ST3GAL1: variants seen among roughly 807,000 people sequenced by gnomAD.
The protein encoded by ST3GAL1 is ST3 beta-galactoside alpha-2,3-sialyltransferase 1, also known as CMP-N-acetylneuraminate-beta-galactosamide-alpha-2,3-sialyltransferase 1.
A neutral mutation model predicts 34.1 loss-of-function variants in ST3GAL1; 16 were observed. The ratio of observed to expected loss-of-function variants is 0.47; its 90% CI spans 0.32 to 0.71. The LOEUF is 0.71. Among genes scored for constraint, ST3GAL1 ranks in the 30% least tolerant of loss-of-function variants. ST3GAL1 has a pLI of 0.04. For synonymous variants in ST3GAL1, 191 were observed against 184.7 expected (o/e 1.03, Z -0.28); for missense variants, 353 against 447.4 (o/e 0.79, Z 1.90).
chr8:133,514,916 C>T (rs1257028636), intron 2 of ST3GAL1, among the ~76,000 whole-genome samples: 1 of 152,102 alleles, frequency 6.6e-6, no homozygotes, highest in Non-Finnish European at 1.5e-5. Context: ...TGCCATGTGC[C>T]GTCCTCCGAT....
intron 2 of ST3GAL1, among the ~76,000 whole-genome samples, chr8:133,534,201 CTCT>C (rs1308442253): frequency 1.3e-5 from 2 of 152,170 alleles, no homozygotes; most frequent in Non-Finnish European, 1.5e-5. Context: ...TCCCTTCGTC[CTCT>C]TCTTCTGACA....
intron 3 of ST3GAL1, among the ~76,000 whole-genome samples, chr8:133,482,443 C>T (rs1377669685): frequency 3.9e-5 from 6 of 152,224 alleles, no homozygotes; most frequent in Admixed American, 3.3e-4. Flanking sequence ...AACCTCCTCA[C>T]ACCAGCCAAG....
intron 5 of ST3GAL1, among the ~76,000 whole-genome samples, chr8:133,473,280 C>T (rs946986367): frequency 2.6e-5 from 4 of 152,104 alleles, no homozygotes; most frequent in African/African-American, 7.2e-5. Flanking sequence ...GTTTTTAATA[C>T]GGTATTTCCA....
chr8:133,528,544 G>A (rs1818043840), intron 2 of ST3GAL1, among the ~76,000 whole-genome samples: 2 of 152,234 alleles, frequency 1.3e-5, no homozygotes, highest in Non-Finnish European at 2.9e-5. Flanking sequence ...AGCCTACACT[G>A]AGTCAAGACC....
chr8:133,503,698 C>T (rs148508178), intron 2 of ST3GAL1, among the ~76,000 whole-genome samples: 2 of 152,286 alleles, frequency 1.3e-5, no homozygotes, highest in East Asian at 1.9e-4. Context: ...TTAACAAGGA[C>T]TTTCCTGAAT....
At chr8:133,544,085 T>C (rs1818609677) in intron 2 of ST3GAL1, 1 of 152,248 alleles carries the variant, frequency 6.6e-6, no homozygotes, top group South Asian at 2.1e-4. Flanking sequence ...GTCTCTGCTT[T>C]GTTCTTGCTT....
Position 133,469,332 on chromosome 8 carries a change from C to T in ST3GAL1, c.307-3242G>A, listed in dbSNP as rs1815861820. Among the ~76,000 whole-genome samples the T allele has an allele frequency of 1.3e-5, 2 of 152,102 alleles. 1 individual carries two copies. Among genetic ancestry groups the T allele is most frequent in the Admixed American group, 1.3e-4 (2 of 15,274 alleles). On this transcript the variant is annotated intron_variant, in intron 5 of 9. Coordinates refer to ENST00000522652, the MANE Select transcript of ST3GAL1 (RefSeq NM_173344.3). This position sits in a 1 kb window ranked among gnomAD's most constrained non-coding sequence, Gnocchi z 4.3. The stretch of plus-strand genomic sequence containing the variant: ...CTCCTGGGTTCAAGGGATTCTCCTG[C>T]CTTAGCCTCCCAAGCAGCTGGGATT...
chr8:133,457,165 G>A lies in ST3GAL1; in HGVS notation c.*2599C>T, dbSNP rs1815330362. On this transcript the variant is annotated 3_prime_UTR_variant, in exon 10 of 10. Transcript: ENST00000522652. Reference sequence around the variant, plus strand: ...CTTGATTTTCTCATCAGTAAAATGGGAAAGCTGGATTTGGAGGCTGGAAGA... The same window carrying A: ...CTTGATTTTCTCATCAGTAAAATGGAAAAGCTGGATTTGGAGGCTGGAAGA... 6.6e-6 allele frequency: 1 copy of A among 152,218 alleles called. No homozygotes were observed. Among genetic ancestry groups the A allele is most frequent in the Non-Finnish European group, 1.5e-5 (1 of 68,048 alleles). The allele number at this position is 152,218 out of a possible 1,614,324, so 9.4% of individuals were successfully genotyped here.
chr8:133,526,507 T>C (rs1202183972), intron 2 of ST3GAL1, among the ~76,000 whole-genome samples: 2 of 152,158 alleles, frequency 1.3e-5, no homozygotes, highest in Non-Finnish European at 2.9e-5. Context: ...TCTGTCTCCA[T>C]AGAAAAGGAC....
chr8:133,562,422 AT>A (rs1400823004), intron 1 of ST3GAL1, among the ~76,000 whole-genome samples: 3 of 152,016 alleles, frequency 2.0e-5, no homozygotes, highest in African/African-American at 7.3e-5. Context: ...GTTGGCCAGG[AT>A]GGTCTCGATC....
At chr8:133,492,538 A>G (rs192902258) in intron 3 of ST3GAL1, among the ~76,000 whole-genome samples, 74 of 152,318 alleles carry the variant, frequency 4.9e-4, no homozygotes, top group African/African-American at 1.4e-3. Context: ...CCTGGCCAAC[A>G]TGGTGAAACC....
At chr8:133,538,019 G>C (rs979058213) in intron 2 of ST3GAL1, among the ~76,000 whole-genome samples, 2 of 152,178 alleles carry the variant, frequency 1.3e-5, no homozygotes, top group African/African-American at 4.8e-5. Context: ...TGAGACAATA[G>C]GGGCAGGGAG....
intron 2 of ST3GAL1, among the ~76,000 whole-genome samples, chr8:133,514,560 C>T (rs918510841): frequency 5.9e-5 from 9 of 152,120 alleles, no homozygotes; most frequent in African/African-American, 1.9e-4. Context: ...ACCTCTCCTC[C>T]ACCGCATGCT....
Position 133,497,683 on chromosome 8 carries a change from G to C in ST3GAL1, c.-374+1452C>G, listed in dbSNP as rs190322767. Among the ~76,000 whole-genome samples the C allele has an allele frequency of 3.9e-3, 593 of 151,950 alleles. 3 individuals are homozygous for C. The highest frequency in any genetic ancestry group is 0.014 in the African/African-American group (562 of 41,418). ...AGATAGGGTTTCACCATGTTGGCCA[G>C]GCTGGTCTTGAACTCCGGACCTCAG... On this transcript the variant is annotated intron_variant, in intron 3 of 9. Transcript: ENST00000522652.
At chr8:133,518,249 C>T (rs1817701669) in intron 2 of ST3GAL1, among the ~76,000 whole-genome samples, 1 of 152,182 alleles carries the variant, frequency 6.6e-6, no homozygotes, top group South Asian at 2.1e-4. Flanking sequence ...CACTGTACTG[C>T]TAAGGGAGAG....
In ST3GAL1 at chr8:133,461,395, G is replaced by T. The variant is rs1462073582; in HGVS notation, c.849+480C>A. Among the ~76,000 whole-genome samples the T allele has an allele frequency of 2.0e-5, 3 of 152,178 alleles. No individual in the cohort carries two copies. The highest frequency in any genetic ancestry group is 7.2e-5 in the African/African-American group (3 of 41,446). Reference sequence around the variant, plus strand: ...CAGCGAAGGACATGGGAAGGCAAATGCATGCTTCTCGAGATCACGGGTTCT... The same window carrying T: ...CAGCGAAGGACATGGGAAGGCAAATTCATGCTTCTCGAGATCACGGGTTCT... On this transcript the variant is annotated intron_variant, in intron 9 of 9. Transcript: ENST00000522652. The surrounding 1 kb of genome is among the most constrained non-coding windows in gnomAD (Gnocchi z 4.7).
chr8:133,511,667 C>T (rs1213346356), intron 2 of ST3GAL1, among the ~76,000 whole-genome samples: 1 of 152,166 alleles, frequency 6.6e-6, no homozygotes, highest in Non-Finnish European at 1.5e-5. Context: ...TCTCACTGCA[C>T]CTTCACTAGA....
At chr8:133,483,397 C>G (rs1357578317) in intron 3 of ST3GAL1, among the ~76,000 whole-genome samples, 2 of 152,124 alleles carry the variant, frequency 1.3e-5, no homozygotes, top group African/African-American at 4.8e-5. Context: ...GATAAATGGC[C>G]TTGCACAAAA....
At chr8:133,540,732 T>TATATATATAGAC (rs1563733801) in intron 2 of ST3GAL1, among the ~76,000 whole-genome samples, 2 of 95,158 alleles carry the variant, frequency 2.1e-5, no homozygotes, top group African/African-American at 9.1e-5. Context: ...TATAGACATA[T>TATATATATAGAC]ATATATATAT....
Sources: gnomAD v4.1 joint callset for allele counts (sites outside exome capture counted in the v4.1 genomes callset) on GRCh38, gnomAD v4.1.1 for gene constraint, Gnocchi (gnomAD v3.1) non-coding constraint, MANE v1.5 for transcripts, NCBI Gene and HGNC (gene_info 2026-07-23, HGNC 2026-07-21) for gene names.